TRHR: variants seen among roughly 807,000 people sequenced by gnomAD.
TRHR encodes thyrotropin releasing hormone receptor, also known as thyrotropin-releasing hormone receptor.
TRHR carries 14 observed loss-of-function variants against 28.0 expected under a neutral mutation model. That is an observed-to-expected ratio of 0.50 (90% CI 0.33 to 0.78). The LOEUF is 0.78. TRHR is among the 30% of genes least tolerant of loss of function. The pLI is 0.02. For synonymous variants in TRHR, 176 were observed against 171.9 expected, an observed-to-expected ratio of 1.02 and a Z score of -0.18; for missense variants, 438 against 469.5, an observed-to-expected ratio of 0.93 and a Z score of 0.62.
chr8:109,089,659 A>C (rs1175876550), intron 2 of TRHR, among the ~76,000 whole-genome samples: 3 of 152,184 alleles, frequency 2.0e-5, no homozygotes, highest in Non-Finnish European at 4.4e-5. Flanking sequence ...TGGATCTAGT[A>C]GTGATACCTA....
intron 2 of TRHR, among the ~76,000 whole-genome samples, chr8:109,113,307 G>A (rs761691351): frequency 1.3e-5 from 2 of 152,092 alleles, no homozygotes; most frequent in South Asian, 2.1e-4. Context: ...ATGTTATGTT[G>A]AGAATGGCAT....
chr8:109,101,029 T>C (rs2129900678), intron 2 of TRHR, among the ~76,000 whole-genome samples: 1 of 152,166 alleles, frequency 6.6e-6, no homozygotes, highest in East Asian at 1.9e-4. Flanking sequence ...ATATGAAAGA[T>C]TTGGACAAGC....
chr8:109,115,563 T>G (rs1352665095), intron 2 of TRHR, among the ~76,000 whole-genome samples: 1 of 152,180 alleles, frequency 6.6e-6, no homozygotes. Context: ...TTTTATTCTC[T>G]TTGAAGAAAT....
At chr8:109,102,926 G>A (rs527665576) in intron 2 of TRHR, among the ~76,000 whole-genome samples, 1 of 152,190 alleles carries the variant, frequency 6.6e-6, no homozygotes, top group Admixed American at 6.6e-5. Context: ...TGGTCCTCAA[G>A]GTTGTTTCCT....
At chr8:109,093,396 T>C (rs1302960124) in intron 2 of TRHR, among the ~76,000 whole-genome samples, 1 of 136,944 alleles carries the variant, frequency 7.3e-6, no homozygotes, top group Non-Finnish European at 1.5e-5. Flanking sequence ...TCTAGTGCTA[T>C]TTACTTTTTT....
chr8:109,101,564 T>A (rs1200050152), intron 2 of TRHR, among the ~76,000 whole-genome samples: 1 of 151,618 alleles, frequency 6.6e-6, no homozygotes, highest in African/African-American at 2.4e-5. Context: ...CTTCTCACAG[T>A]GCCTGGAACA....
chr8:109,097,695 C>A (rs1429450048), intron 2 of TRHR, among the ~76,000 whole-genome samples: 1 of 152,118 alleles, frequency 6.6e-6, no homozygotes, highest in Non-Finnish European at 1.5e-5. Flanking sequence ...TACAAGAAGA[C>A]CCTCCAGTCT....
At chr8:109,104,056 G>A (rs996522680) in intron 2 of TRHR, among the ~76,000 whole-genome samples, 1 of 152,086 alleles carries the variant, frequency 6.6e-6, no homozygotes, top group Non-Finnish European at 1.5e-5. Context: ...AAAGATCTTG[G>A]TAGACTTTAA....
chr8:109,096,808 CAT>C (rs1448626106), intron 2 of TRHR, among the ~76,000 whole-genome samples: 1 of 151,730 alleles, frequency 6.6e-6, no homozygotes, highest in Non-Finnish European at 1.5e-5. Flanking sequence ...TATAAAAAAA[CAT>C]GTAATTTTAC....
At chr8:109,116,461 T>C (rs1197646149) in intron 2 of TRHR, among the ~76,000 whole-genome samples, 3 of 152,140 alleles carry the variant, frequency 2.0e-5, no homozygotes, top group African/African-American at 7.2e-5. Context: ...AGTCTATTAA[T>C]TATTGCCTCA....
At chr8:109,110,516 T>G (rs1158588547) in intron 2 of TRHR, among the ~76,000 whole-genome samples, 1 of 152,204 alleles carries the variant, frequency 6.6e-6, no homozygotes, top group Non-Finnish European at 1.5e-5. Context: ...TTGAGCATTT[T>G]TAATCAGAAT....
rs1811983979 is a variant in TRHR, at chr8:109,120,070, T to A, written c.*615T>A. Among the ~76,000 whole-genome samples, 1 of 151,838 alleles carries A rather than the reference T, an allele frequency of 6.6e-6. No homozygotes were observed. Among genetic ancestry groups the A allele is most frequent in the Non-Finnish European group, 1.5e-5 (1 of 67,870 alleles). ...TTTTTATATCTTAGAAGGTAGATAA[T>A]CATCACTCAACTTTAATGTAAAATA... On this transcript the variant is annotated 3_prime_UTR_variant, in exon 3 of 3. Transcript: ENST00000518632.
intron 2 of TRHR, among the ~76,000 whole-genome samples, chr8:109,089,136 A>C (rs1158870805): frequency 6.6e-6 from 1 of 152,178 alleles, no homozygotes; most frequent in Non-Finnish European, 1.5e-5. Context: ...AAATACTTTT[A>C]TATCATTTAC....
chr8:109,092,618 T>A (rs1397652847), intron 2 of TRHR, among the ~76,000 whole-genome samples: 1 of 151,992 alleles, frequency 6.6e-6, no homozygotes, highest in East Asian at 1.9e-4. Flanking sequence ...TTTCTATTTT[T>A]AGTAGAGACA....
At chr8:109,100,061 C>A (rs1811652900) in intron 2 of TRHR, among the ~76,000 whole-genome samples, 1 of 152,148 alleles carries the variant, frequency 6.6e-6, no homozygotes, top group South Asian at 2.1e-4. Flanking sequence ...AGTCAAGTGA[C>A]TCAAGCCCCT....
Position 109,087,650 on chromosome 8 carries a change from A to T in TRHR, c.138A>T (p.Val46=). The T allele has an allele frequency of 6.2e-7, 1 of 1,614,114 alleles. No homozygotes were observed. Among genetic ancestry groups the T allele is most frequent in the South Asian group, 1.1e-5 (1 of 91,074 alleles). Residue 46 remains valine, a synonymous_variant, in exon 2 of 3, where the codon GTA becomes GTT. Coordinates refer to ENST00000518632, the MANE Select transcript of TRHR (RefSeq NM_003301.7). ...CGLGIVGNIM[V]VLVVMRTKHM... Reference sequence around the variant, plus strand: ...TGGGCATTGTAGGCAACATCATGGTAGTCCTGGTTGTCATGAGAACCAAGC... The same window carrying T: ...TGGGCATTGTAGGCAACATCATGGTTGTCCTGGTTGTCATGAGAACCAAGC...
At chr8:109,098,552 G>T (rs1026829859) in intron 2 of TRHR, among the ~76,000 whole-genome samples, 1 of 151,914 alleles carries the variant, frequency 6.6e-6, no homozygotes, top group Non-Finnish European at 1.5e-5. Context: ...TTCAATCTTC[G>T]CATTTTCTAT....
intron 2 of TRHR, 83 bp downstream of exon 2, chr8:109,088,384 A>C: frequency 7.5e-6 from 11 of 1,464,604 alleles, no homozygotes; most frequent in Non-Finnish European, 5.6e-6. Context: ...TTCCCTGTTT[A>C]GCTGATGGCG....
intron 2 of TRHR, among the ~76,000 whole-genome samples, chr8:109,092,098 C>G (rs1811525497): frequency 6.6e-6 from 1 of 152,142 alleles, no homozygotes; most frequent in Non-Finnish European, 1.5e-5. Flanking sequence ...ACATTCAATT[C>G]AAATATGTAC....
Sources: allele counts gnomAD v4.1 joint callset (sites outside exome capture counted in the v4.1 genomes callset), GRCh38; gene constraint gnomAD v4.1.1; transcripts MANE v1.5; gene names NCBI Gene and HGNC (gene_info 2026-07-23, HGNC 2026-07-21).